HIPK1: variants seen among roughly 807,000 people sequenced by gnomAD.
HIPK1 encodes the protein homeodomain interacting protein kinase 1.
In HIPK1, 28 loss-of-function variants were observed where a neutral mutation model predicts 117.1. That is an observed-to-expected ratio of 0.24 (90% confidence interval 0.18 to 0.33). The LOEUF (loss-of-function observed/expected upper bound fraction) is 0.33, where lower values mean the gene tolerates loss of function less well. Ranked by LOEUF, HIPK1 falls within the 10% of genes least tolerant of loss-of-function variation. HIPK1 has a pLI of 1.00. For missense variants in HIPK1, 1,122 were observed against 1,475.1 expected (o/e 0.76, Z 3.92); for synonymous variants, 605 against 562.5 (o/e 1.08, Z -1.07).
At chr1:113,948,006 C>T (rs543229364) in intron 2 of HIPK1, among the ~76,000 whole-genome samples, 7 of 152,206 alleles carry the variant, frequency 4.6e-5, no homozygotes, top group African/African-American at 1.4e-4. Flanking sequence ...CAGAGTTTTA[C>T]GTGTCTGTAG....
intron 10 of HIPK1, 152 bp downstream of exon 10, chr1:113,963,673 G>A: frequency 1.3e-6 from 1 of 773,858 alleles, no homozygotes; most frequent in South Asian, 1.9e-5. Flanking sequence ...GGAAGCATGT[G>A]CCATCTTGTG....
chr1:113,973,440 T>G lies in HIPK1; in HGVS notation c.3561T>G (p.Ser1187=). 6.2e-7 allele frequency: 1 copy of G among 1,613,910 alleles called. No individual in the cohort carries two copies. The highest frequency in any genetic ancestry group is 8.5e-7 in the Non-Finnish European group (1 of 1,179,850). Residue 1187 remains serine (S), a synonymous_variant, in exon 16 of 16, where the codon TCT becomes TCG. Transcript: ENST00000426820. ...TTGCCACCCAATCCTACATTGGGTCTTCCCGAGGCTCAACAATTTACACTG... is the reference window on the plus strand; with the variant it reads ...TTGCCACCCAATCCTACATTGGGTCGTCCCGAGGCTCAACAATTTACACTG... ...HQFATQSYIG[S]SRGSTIYTGY... is the part of the protein sequence containing the mutation.
In HIPK1 at chr1:113,940,935, C is replaced by T; in HGVS notation, c.552C>T (p.Cys184=). 1 of 1,614,160 alleles carries T rather than the reference C, an allele frequency of 6.2e-7. No homozygotes were observed. Among genetic ancestry groups the T allele is most frequent in the Non-Finnish European group, 8.5e-7 (1 of 1,180,030 alleles). ...AGCTGGTCCAGCATGAGATCCTTTG[C>T]TCTATGACCAATAGCTATGAAGTCT... ...DYQLVQHEIL[C]SMTNSYEVLE... Residue 184 remains cysteine, a synonymous_variant, in exon 2 of 16, where the codon TGC becomes TGT. Coordinates refer to ENST00000426820, the MANE Select transcript of HIPK1 (RefSeq NM_198268.3).
Position 113,973,227 on chromosome 1 carries a change from C to T in HIPK1, c.3348C>T (p.Ala1116=), listed in dbSNP as rs1342232637. ...PSQAHLYTYA[A]PTSAAALGST... is the part of the protein sequence containing the mutation. Reference sequence around the variant, plus strand: ...AGGCTCATCTGTATACGTATGCTGCCCCGACTTCTGCTGCTGCACTGGGCT... The same window carrying T: ...AGGCTCATCTGTATACGTATGCTGCTCCGACTTCTGCTGCTGCACTGGGCT... The change falls in exon 16 of 16, where the codon GCC becomes GCT. Residue 1116 remains alanine, a synonymous_variant. Coordinates refer to ENST00000426820, the MANE Select transcript of HIPK1 (RefSeq NM_198268.3). 6.2e-7 allele frequency: 1 copy of T among 1,614,052 alleles called. No individual in the cohort carries two copies. The highest frequency in any genetic ancestry group is 8.5e-7 in the Non-Finnish European group (1 of 1,179,994).
chr1:113,947,147 A>C (rs4381184), intron 2 of HIPK1, among the ~76,000 whole-genome samples: 114,843 of 152,054 alleles, frequency 0.76, 44,199 homozygotes, highest in African/African-American at 0.92. Flanking sequence ...AAATTTGCCA[A>C]CTTGCTGTGT....
At chr1:113,959,417 C>A (rs1482105840) in intron 8 of HIPK1, among the ~76,000 whole-genome samples, 1 of 152,172 alleles carries the variant, frequency 6.6e-6, no homozygotes, top group East Asian at 1.9e-4. Flanking sequence ...GCCTAACTTA[C>A]CAAATTATTT....
intron 4 of HIPK1, 109 bp from the exon 5 acceptor site, chr1:113,955,454 T>C: frequency 1.5e-6 from 1 of 679,606 alleles, no homozygotes; most frequent in Admixed American, 2.5e-5. Flanking sequence ...TTGCCATCTA[T>C]GGTTGGCAAG....
At chr1:113,957,347 A>G (rs571199885) in intron 7 of HIPK1, 61 bp downstream of exon 7, 229 of 1,376,336 alleles carry the variant, frequency 1.7e-4, no homozygotes, top group Non-Finnish European at 2.2e-4. Flanking sequence ...GTAAGAATAC[A>G]GGGCAAGGTA....
At chr1:113,948,498 C>T (rs900008546) in intron 2 of HIPK1, among the ~76,000 whole-genome samples, 2 of 151,504 alleles carry the variant, frequency 1.3e-5, no homozygotes, top group African/African-American at 4.8e-5. Flanking sequence ...AGTGATCCTC[C>T]TGCCTTGGCT....
At chr1:113,932,968 T>C (rs1020785303) in intron 1 of HIPK1, among the ~76,000 whole-genome samples, 9 of 152,248 alleles carry the variant, frequency 5.9e-5, no homozygotes, top group African/African-American at 2.2e-4. Context: ...ATGTTTCATA[T>C]TGATCTCTGC....
At position 113,929,466 on chromosome 1, in the gene HIPK1, C is replaced by T; in HGVS notation, c.-69C>T. 7.8e-7 allele frequency: 1 copy of T among 1,289,398 alleles called. No individual in the cohort carries two copies. The highest frequency in any genetic ancestry group is 1.0e-6 in the Non-Finnish European group (1 of 988,864). 79.9% of individuals were successfully genotyped at this position (1,289,398 alleles called of 1,614,324 possible). A position where few individuals can be genotyped will look rare whatever the true frequency, so the allele number is the denominator to read the frequency against. ...GGAGGCCCACCTACTCGAGGCCCACCGACTCCTACTGCAATCAGTACTATG... is the reference window on the plus strand; with the variant it reads ...GGAGGCCCACCTACTCGAGGCCCACTGACTCCTACTGCAATCAGTACTATG... On this transcript the variant is annotated 5_prime_UTR_variant, in exon 1 of 16. Transcript: ENST00000426820.
At chr1:113,933,090 C>A (rs1355230398) in intron 1 of HIPK1, 1 of 698,568 alleles carries the variant, frequency 1.4e-6, no homozygotes, top group East Asian at 1.3e-4. Context: ...AATGTAGTAC[C>A]TTTTTACTAA....
At chr1:113,963,616 G>A (rs1672268421) in intron 10 of HIPK1, 95 bp downstream of exon 10, 3 of 1,479,482 alleles carry the variant, frequency 2.0e-6, no homozygotes, top group Non-Finnish European at 1.8e-6. Context: ...TTTTTTTCTG[G>A]TTTATTTTTC....
intron 9 of HIPK1, among the ~76,000 whole-genome samples, chr1:113,962,696 A>G (rs747102684): frequency 3.9e-5 from 6 of 152,178 alleles, no homozygotes; most frequent in African/African-American, 1.4e-4. Flanking sequence ...AGTTTACTCT[A>G]ATTTTGCGGG....
At chr1:113,951,596 A>G (rs955331411) in intron 2 of HIPK1, among the ~76,000 whole-genome samples, 1 of 152,230 alleles carries the variant, frequency 6.6e-6, no homozygotes, top group Non-Finnish European at 1.5e-5. Context: ...TAAGAGTTCA[A>G]AGTTTTAAAA....
rs759113034 is a variant in HIPK1, at chr1:113,968,625, G to A, written c.2748G>A (p.Glu916=). The part of the protein sequence containing the change: ...ITIRSDTDEE[E]DNKYKPSSSG... The stretch of plus-strand genomic sequence containing the variant: ...TCCGAAGTGACACTGATGAGGAAGA[G>A]GACAACAAATACAAGCCCAGTAGGT... Residue 916 remains glutamate, a synonymous_variant, in exon 13 of 16, where the codon GAG becomes GAA. Transcript: ENST00000426820. 6.2e-7 allele frequency: 1 copy of A among 1,613,952 alleles called. No homozygotes were observed.
intron 8 of HIPK1, among the ~76,000 whole-genome samples, chr1:113,960,252 CAAA>C (rs1672009287): frequency 1.4e-4 from 21 of 152,138 alleles, no homozygotes; most frequent in Admixed American, 1.4e-3. Flanking sequence ...TTCAATAAAA[CAAA>C]ATAATAACAA....
At chr1:113,963,614 T>C in intron 10 of HIPK1, 93 bp downstream of exon 10, 3 of 1,485,662 alleles carry the variant, frequency 2.0e-6, no homozygotes, top group Non-Finnish European at 2.7e-6. Flanking sequence ...TGTTTTTTTC[T>C]GGTTTATTTT....
chr1:113,950,501 G>A (rs1326676338), intron 2 of HIPK1, among the ~76,000 whole-genome samples: 1 of 152,028 alleles, frequency 6.6e-6, no homozygotes, highest in Non-Finnish European at 1.5e-5. Context: ...AATAGCTTGG[G>A]TACCATCCTT....
Sources: gnomAD v4.1 joint callset for allele counts (sites outside exome capture counted in the v4.1 genomes callset) on GRCh38, gnomAD v4.1.1 for gene constraint, MANE v1.5 for transcripts, NCBI Gene and HGNC (gene_info 2026-07-23, HGNC 2026-07-21) for gene names.